Variants in PPP4R2 observed in about 807,000 individuals in gnomAD.
The protein encoded by PPP4R2 is protein phosphatase 4 regulatory subunit 2.
PPP4R2 carries 13 observed loss-of-function variants against 47.2 expected under a neutral mutation model. The observed-to-expected ratio is 0.28, with a 90% confidence interval of 0.18 to 0.44. The LOEUF (loss-of-function observed/expected upper bound fraction) is 0.44. Ranked by LOEUF, PPP4R2 falls within the 20% of genes least tolerant of loss-of-function variation. The pLI is 1.00. For missense variants in PPP4R2, 421 were observed against 491.2 expected (o/e 0.86, Z 1.35); for synonymous variants, 151 against 163.3 (o/e 0.92, Z 0.57).
intron 2 of PPP4R2, among the ~76,000 whole-genome samples, chr3:73,005,623 C>T (rs11712301): frequency 0.12 from 18,571 of 151,538 alleles, 1,393 homozygotes; most frequent in East Asian, 0.36. Flanking sequence ...CTGAGGCCGG[C>T]GGATCACCTG....
At chr3:73,029,128 T>C (rs1702123341) in intron 2 of PPP4R2, among the ~76,000 whole-genome samples, 1 of 152,172 alleles carries the variant, frequency 6.6e-6, no homozygotes, top group Non-Finnish European at 1.5e-5. Context: ...AATTTTTTTG[T>C]AGAGACAGGA....
rs1701355930 is a variant in PPP4R2 at position 72,996,954 on chromosome 3, G to A, written c.-84G>A. ...CGGAGTGTGTGCGAGGGAGGGGGAG[G>A]GCGTCGGGGGGGTGGGGGGAGGCGT... On this transcript the variant is annotated 5_prime_UTR_variant, in exon 1 of 9. Transcript: ENST00000356692. 9.2e-7 allele frequency: 1 copy of A among 1,090,796 alleles called. No homozygotes were observed. Among genetic ancestry groups the A allele is most frequent in the East Asian group, 3.2e-5 (1 of 31,142 alleles). The allele number at this position is 1,090,796 out of a possible 1,614,324, so 67.6% of individuals were successfully genotyped here. A position where few individuals can be genotyped will look rare whatever the true frequency, so the allele number is the denominator to read the frequency against.
At chr3:73,006,173 C>T (rs1006985988) in intron 2 of PPP4R2, among the ~76,000 whole-genome samples, 3 of 145,176 alleles carry the variant, frequency 2.1e-5, no homozygotes, top group African/African-American at 2.5e-5. Context: ...GTAGATGCAT[C>T]GTATGAATAT....
rs930135570 is a variant in PPP4R2 at position 73,025,378 on chromosome 3, G to A, written c.117-21808G>A. On this transcript the variant is annotated intron_variant, in intron 2 of 8. Transcript: ENST00000356692. Reference sequence around the variant, plus strand: ...GACCCTTGTTCTATTATTGTGAGACGTTTATTGTTCTTACTAAGATCTTTG... The same window carrying A: ...GACCCTTGTTCTATTATTGTGAGACATTTATTGTTCTTACTAAGATCTTTG... Among the ~76,000 whole-genome samples, 9 of 152,062 alleles carry A rather than the reference G, an allele frequency of 5.9e-5. No homozygotes were observed. In the East Asian group the frequency reaches 7.7e-4, roughly 13 times the overall value.
intron 2 of PPP4R2, among the ~76,000 whole-genome samples, chr3:73,038,068 G>C (rs963180511): frequency 1.1e-4 from 16 of 152,138 alleles, no homozygotes; most frequent in African/African-American, 3.4e-4. Context: ...TGACACATGT[G>C]GGGGTGAAGG....
chr3:73,039,185 G>A lies in PPP4R2; in HGVS notation c.117-8001G>A, dbSNP rs184873810. Among the ~76,000 whole-genome samples the A allele has an allele frequency of 5.3e-5, 8 of 152,180 alleles. No individual in the cohort carries two copies. In the South Asian group the frequency reaches 8.3e-4, roughly 16 times the overall value. On this transcript the variant is annotated intron_variant, in intron 2 of 8. Transcript: ENST00000356692. ...GTTGCCCAGGCTGGAGTGCAGTGGC[G>A]CCATCTTGGCTCACTGCAACCTCGG...
At chr3:73,009,612 CTTCAGATCTCATTAGTAAGA>C (rs145990141) in intron 2 of PPP4R2, among the ~76,000 whole-genome samples, 7,242 of 152,248 alleles carry the variant, frequency 0.048, 576 homozygotes, top group African/African-American at 0.17. Flanking sequence ...CATTAGTAAG[CTTCAGATCTCATTAGTAAGA>C]AGATAAGGAA....
rs1275868117 is a variant in PPP4R2 at position 73,064,043 on chromosome 3, C to A, written c.535C>A (p.Arg179=). Residue 179 remains arginine, a synonymous_variant, in exon 7 of 9, where the codon CGA becomes AGA. Coordinates refer to ENST00000356692, the MANE Select transcript of PPP4R2 (RefSeq NM_174907.4). ...GCCTGGGACACCCAGGCCACTTAAT[C>A]GACCAAAGGTTTCTTTGTCAGCCCC... ...NGPGTPRPLN[R]PKVSLSAPMT... 1.2e-6 allele frequency: 2 copies of A among 1,612,432 alleles called. No homozygotes were observed. The highest frequency in any genetic ancestry group is 1.7e-6 in the Non-Finnish European group (2 of 1,179,566).
intron 1 of PPP4R2, among the ~76,000 whole-genome samples, chr3:72,997,856 G>A (rs1361760942): frequency 6.6e-6 from 1 of 152,164 alleles, no homozygotes; most frequent in Non-Finnish European, 1.5e-5. Flanking sequence ...AATGGTTTGT[G>A]AAGTTGAGTG....
At chr3:72,999,339 TATA>T (rs767718805) in intron 2 of PPP4R2, among the ~76,000 whole-genome samples, 8 of 152,362 alleles carry the variant, frequency 5.3e-5, no homozygotes, top group Admixed American at 2.0e-4. Flanking sequence ...TTTGTGCTTA[TATA>T]GATAAGCCTA....
At chr3:73,045,120 A>G (rs1702455962) in intron 2 of PPP4R2, among the ~76,000 whole-genome samples, 1 of 152,126 alleles carries the variant, frequency 6.6e-6, no homozygotes, top group Non-Finnish European at 1.5e-5. Flanking sequence ...CGGCCTCTTG[A>G]GTAGCTGGGA....
intron 2 of PPP4R2, chr3:73,015,821 GTAGAGA>G (rs1701818721): frequency 2.3e-6 from 1 of 442,998 alleles, no homozygotes; most frequent in African/African-American, 2.0e-5. Context: ...TGTGTGTTTA[GTAGAGA>G]CGGGGTTTCA....
At chr3:73,019,660 A>C (rs2130900) in intron 2 of PPP4R2, among the ~76,000 whole-genome samples, 80,393 of 152,088 alleles carry the variant, frequency 0.53, 21,641 homozygotes, top group African/African-American at 0.62. Flanking sequence ...AGGTGTGAGC[A>C]ACCATGCCCG....
chr3:73,037,197 T>TTG (rs1702280318), intron 2 of PPP4R2, among the ~76,000 whole-genome samples: 1 of 152,214 alleles, frequency 6.6e-6, no homozygotes, highest in South Asian at 2.1e-4. Flanking sequence ...TCATAGCACA[T>TTG]TGTCCTGTAC....
chr3:73,021,527 C>T (rs6809731), intron 2 of PPP4R2, among the ~76,000 whole-genome samples: 48,210 of 151,890 alleles, frequency 0.32, 8,040 homozygotes, highest in Non-Finnish European at 0.36. Flanking sequence ...TAAGCCATCA[C>T]GCCCAGCCTG....
intron 2 of PPP4R2, among the ~76,000 whole-genome samples, chr3:73,046,855 G>A (rs1040583337): frequency 6.6e-6 from 1 of 152,174 alleles, no homozygotes; most frequent in Non-Finnish European, 1.5e-5. Flanking sequence ...ACCTGGTTAG[G>A]TTTGTTATGA....
At chr3:73,045,526 A>ATTTT (rs10659714) in intron 2 of PPP4R2, among the ~76,000 whole-genome samples, 7 of 139,414 alleles carry the variant, frequency 5.0e-5, no homozygotes, top group Admixed American at 1.4e-4. Context: ...CATTCTCCTA[A>ATTTT]TTTTTTTTTT....
At chr3:73,059,554 G>C (rs1490370157) in intron 4 of PPP4R2, among the ~76,000 whole-genome samples, 6 of 152,202 alleles carry the variant, frequency 3.9e-5, no homozygotes, top group African/African-American at 1.4e-4. Flanking sequence ...TGAGTAGAAA[G>C]ATGCAGGTCA....
At chr3:73,062,139 G>T (rs1307890277) in intron 5 of PPP4R2, 2 of 1,547,596 alleles carry the variant, frequency 1.3e-6, no homozygotes, top group Admixed American at 2.1e-5. Context: ...TTTTGTTTGG[G>T]TCTGTGACAG....
Sources: allele counts gnomAD v4.1 joint callset (sites outside exome capture counted in the v4.1 genomes callset), GRCh38; gene constraint gnomAD v4.1.1; transcripts MANE v1.5; gene names NCBI Gene and HGNC (gene_info 2026-07-23, HGNC 2026-07-21).